Variants in CNTNAP2 observed in about 807,000 individuals in gnomAD.
CNTNAP2 encodes the protein contactin associated protein 2, also known as contactin-associated protein-like 2.
CNTNAP2 carries 98 observed loss-of-function variants against 155.2 expected under a neutral mutation model. The ratio of observed to expected loss-of-function variants is 0.63; its 90% CI spans 0.54 to 0.75. The LOEUF (loss-of-function observed/expected upper bound fraction) is 0.75, where lower values mean the gene tolerates loss of function less well. Among genes scored for constraint, CNTNAP2 ranks in the 30% least tolerant of loss-of-function variants. The pLI is 0.00. For synonymous variants in CNTNAP2, 651 were observed against 631.2 expected, an observed-to-expected ratio of 1.03 and a Z score of -0.47; for missense variants, 1,727 against 1,688.1, an observed-to-expected ratio of 1.02 and a Z score of -0.40.
chr7:147,946,801 C>T (rs1233192749), intron 14 of CNTNAP2, among the ~76,000 whole-genome samples: 1 of 152,056 alleles, frequency 6.6e-6, no homozygotes, highest in Non-Finnish European at 1.5e-5. Flanking sequence ...GAAGCTCCCC[C>T]TTCACCCTCT....
chr7:148,183,127 G>A (rs1041749452), intron 18 of CNTNAP2, among the ~76,000 whole-genome samples: 1 of 152,210 alleles, frequency 6.6e-6, no homozygotes, highest in Non-Finnish European at 1.5e-5. Context: ...CAGCAAGGAA[G>A]GACAGGATGA....
intron 15 of CNTNAP2, among the ~76,000 whole-genome samples, chr7:148,062,024 A>AGTGTGTGTGTGTGT (rs1386529973): frequency 1.5e-5 from 2 of 136,660 alleles, no homozygotes; most frequent in African/African-American, 5.8e-5. Context: ...AGAGAGAGAG[A>AGTGTGTGTGTGTGT]GAGAGTGTGT....
chr7:147,235,920 A>G (rs137933361), intron 8 of CNTNAP2, among the ~76,000 whole-genome samples: 1 of 152,338 alleles, frequency 6.6e-6, no homozygotes. Flanking sequence ...CTACTTTTAA[A>G]TATGAAAGAC....
rs747338565 is a variant in CNTNAP2, at chr7:148,217,375, T to G, written c.3098T>G (p.Val1033Gly). 6.2e-7 allele frequency: 1 copy of G among 1,613,576 alleles called. No individual in the cohort carries two copies. Among genetic ancestry groups the G allele is most frequent in the African/African-American group, 1.3e-5 (1 of 74,748 alleles). ...AATGCCAGAGACTCCAGCAGCAGAG[T>G]AGACAACGCTCCCGACCAGCAGAAC... Reference protein sequence around the residue: ...ATNARDSSSRVDNAPDQQNSH... With the variant: ...ATNARDSSSRGDNAPDQQNSH... The change falls in exon 19 of 24, where the codon GTA becomes GGA. Residue 1033 changes from valine to glycine, a missense_variant. Physicochemically the swap from Val to Gly is moderately radical, Grantham distance 109 (BLOSUM62 -3). Coordinates refer to ENST00000361727, the MANE Select transcript of CNTNAP2 (RefSeq NM_014141.6).
chr7:146,802,188 G>A (rs1016691264), intron 2 of CNTNAP2, among the ~76,000 whole-genome samples: 8 of 152,174 alleles, frequency 5.3e-5, no homozygotes, highest in African/African-American at 1.9e-4. Context: ...TCATGAGGTG[G>A]AAGTGGATGT....
chr7:147,621,077 A>G (rs1412698422), intron 12 of CNTNAP2, among the ~76,000 whole-genome samples: 4 of 152,192 alleles, frequency 2.6e-5, no homozygotes, highest in African/African-American at 4.8e-5. Context: ...GAGGGGCATG[A>G]CATATTTACG....
chr7:148,253,036 A>AGACAGACAGAT (rs775906992), intron 20 of CNTNAP2, among the ~76,000 whole-genome samples: 1 of 114,498 alleles, frequency 8.7e-6, no homozygotes, highest in Non-Finnish European at 1.9e-5. Flanking sequence ...ATAGATAGAT[A>AGACAGACAGAT]GATAGATAGA....
intron 1 of CNTNAP2, among the ~76,000 whole-genome samples, chr7:146,606,321 A>G (rs1040528451): frequency 3.3e-5 from 5 of 152,200 alleles, no homozygotes; most frequent in African/African-American, 1.2e-4. Flanking sequence ...ATATAATACA[A>G]GTATTACATC....
rs144123814 is a variant in CNTNAP2, at chr7:146,442,435, G to GGT, written c.97+325476_97+325477dup. Reference sequence around the variant, plus strand: ...TAGGAAAAATTCTCAATCCATTTGGGGTGTGTGTGTGTGTGCGTGCGCATG... The same window carrying GGT: ...TAGGAAAAATTCTCAATCCATTTGGGGTGTGTGTGTGTGTGTGCGTGCGCATG... On this transcript the variant is annotated intron_variant, in intron 1 of 23. Coordinates refer to ENST00000361727, the MANE Select transcript of CNTNAP2 (RefSeq NM_014141.6). 2.1e-4 allele frequency among the ~76,000 whole-genome samples: 32 copies of GGT among 150,526 alleles called. 1 individual carries two copies. Among genetic ancestry groups the GGT allele is most frequent in the African/African-American group, 5.7e-4 (23 of 40,678 alleles).
At position 146,904,722 on chromosome 7, in the gene CNTNAP2, C is replaced by T. The variant is rs1434164994; in HGVS notation, c.402+64818C>T. ...TCCTGACCTCGTGATCCGCCCACCT[C>T]GGCCTCCCAAAGTGCTGGGATTACA... On this transcript the variant is annotated intron_variant, in intron 3 of 23. Transcript: ENST00000361727. 2.6e-5 allele frequency among the ~76,000 whole-genome samples: 4 copies of T among 152,142 alleles called. No individual in the cohort carries two copies. In the South Asian group the frequency reaches 6.2e-4, roughly 24 times the overall value.
At chr7:146,882,938 A>G (rs1025149881) in intron 3 of CNTNAP2, among the ~76,000 whole-genome samples, 8 of 152,198 alleles carry the variant, frequency 5.3e-5, no homozygotes, top group Non-Finnish European at 7.3e-5. Flanking sequence ...AAATAAATGG[A>G]AAAATATTCC....
intron 11 of CNTNAP2, among the ~76,000 whole-genome samples, chr7:147,552,632 C>G (rs539608500): frequency 4.6e-5 from 7 of 151,530 alleles, no homozygotes; most frequent in African/African-American, 1.7e-4. Context: ...GAAAAATCTA[C>G]ACTTCCAAGA....
intron 11 of CNTNAP2, among the ~76,000 whole-genome samples, chr7:147,505,596 C>T (rs1347263176): frequency 1.3e-5 from 2 of 152,122 alleles, no homozygotes; most frequent in Non-Finnish European, 2.9e-5. Context: ...TGCAAAAGAG[C>T]GAGGAGATTA....
chr7:147,954,786 C>T (rs1288737459), intron 14 of CNTNAP2, among the ~76,000 whole-genome samples: 1 of 152,028 alleles, frequency 6.6e-6, no homozygotes, highest in East Asian at 1.9e-4. Flanking sequence ...ATATCCGTCC[C>T]CTATATCGAG....
chr7:146,887,591 ATT>A (rs1377260534), intron 3 of CNTNAP2, among the ~76,000 whole-genome samples: 1 of 151,602 alleles, frequency 6.6e-6, no homozygotes, highest in South Asian at 2.1e-4. Context: ...ATTTTTCTGT[ATT>A]TTTTTTCTAA....
chr7:148,250,325 A>G (rs1796341070), intron 20 of CNTNAP2, among the ~76,000 whole-genome samples: 1 of 152,142 alleles, frequency 6.6e-6, no homozygotes. Flanking sequence ...ATCCCCTCCT[A>G]CCATATTACA....
intron 1 of CNTNAP2, among the ~76,000 whole-genome samples, chr7:146,746,612 A>T (rs1342318927): frequency 6.6e-6 from 1 of 152,122 alleles, no homozygotes; most frequent in Non-Finnish European, 1.5e-5. Flanking sequence ...TACCAATCAA[A>T]TATGACAATG....
chr7:146,759,283 G>C (rs138245875), intron 1 of CNTNAP2, among the ~76,000 whole-genome samples: 2 of 152,232 alleles, frequency 1.3e-5, no homozygotes, highest in East Asian at 1.9e-4. Flanking sequence ...TCTTGGACTT[G>C]ACACTGAGAG....
chr7:146,747,000 T>A (rs1801820480), intron 1 of CNTNAP2, among the ~76,000 whole-genome samples: 1 of 152,142 alleles, frequency 6.6e-6, no homozygotes, highest in Non-Finnish European at 1.5e-5. Flanking sequence ...AGTATAAAGC[T>A]CTTGATACGG....
Sources: gnomAD v4.1 joint callset for allele counts (sites outside exome capture counted in the v4.1 genomes callset) on GRCh38, gnomAD v4.1.1 for gene constraint, MANE v1.5 for transcripts, NCBI Gene and HGNC (gene_info 2026-07-23, HGNC 2026-07-21) for gene names.